DEF6: variants seen among roughly 807,000 people sequenced by gnomAD.
The protein encoded by DEF6 is DEF6 guanine nucleotide exchange factor.
Under a neutral mutation model 80.5 loss-of-function variants are expected in DEF6, and 32 were observed. The ratio of observed to expected loss-of-function variants is 0.40; its 90% CI spans 0.30 to 0.53. The LOEUF is 0.53. DEF6 is among the 20% of genes least tolerant of loss of function. DEF6 has a pLI of 0.57. For synonymous variants in DEF6, 300 were observed against 337.9 expected (o/e 0.89, Z 1.23); for missense variants, 575 against 818.7 (o/e 0.70, Z 3.63).
rs532603711 is a variant in DEF6 at position 35,318,912 on chromosome 6, A to G, written c.1215+441A>G. Among the ~76,000 whole-genome samples, 35 of 152,280 alleles carry G rather than the reference A, an allele frequency of 2.3e-4. No individual in the cohort carries two copies. Among genetic ancestry groups the G allele is most frequent in the African/African-American group, 8.2e-4 (34 of 41,548 alleles). ...GCGGACTAGGTGTGCAGAGGCAATT[A>G]GATTTAGGATTTAAGAAACCTGGAT... On this transcript the variant is annotated intron_variant, in intron 7 of 10. Transcript: ENST00000316637. This position sits in a 1 kb window ranked among gnomAD's most constrained non-coding sequence, Gnocchi z 5.1.
At chr6:35,307,406 G>T (rs1201375922) in intron 1 of DEF6, among the ~76,000 whole-genome samples, 3 of 152,232 alleles carry the variant, frequency 2.0e-5, no homozygotes, top group Non-Finnish European at 4.4e-5. Flanking sequence ...CTCAAAAAAA[G>T]ATAAGGACAC....
At chr6:35,306,210 TAAA>T (rs1299242402) in intron 1 of DEF6, among the ~76,000 whole-genome samples, 3 of 148,984 alleles carry the variant, frequency 2.0e-5, no homozygotes, top group Admixed American at 6.7e-5. Flanking sequence ...AATTTTGAAG[TAAA>T]GAAGAATATA....
intron 1 of DEF6, among the ~76,000 whole-genome samples, chr6:35,305,963 G>A (rs2150385716): frequency 6.6e-6 from 1 of 152,030 alleles, no homozygotes; most frequent in East Asian, 2.0e-4. Flanking sequence ...CACAATCTCG[G>A]CTCACTGCAA....
chr6:35,319,742 C>G lies in DEF6; in HGVS notation c.1382+52C>G. 2 of 1,610,068 alleles carry G rather than the reference C, an allele frequency of 1.2e-6. No individual in the cohort carries two copies. Among genetic ancestry groups the G allele is most frequent in the South Asian group, 2.2e-5 (2 of 90,790 alleles). On this transcript the variant is annotated intron_variant, in intron 8 of 10. Transcript: ENST00000316637. This position sits in a 1 kb window ranked among gnomAD's most constrained non-coding sequence, Gnocchi z 4.5. ...CTCTCACCACCCCTCCTGGAACACA[C>G]CCCAGTTTTCCTGCTTGCTGTGCAC...
chr6:35,320,163 T>C, intron 9 of DEF6, 146 bp downstream of exon 9: 1 of 726,234 alleles, frequency 1.4e-6, no homozygotes. Context: ...CTTCTTGGAG[T>C]TAGTCTCTCA....
chr6:35,310,004 A>C (rs1582230531), intron 2 of DEF6, among the ~76,000 whole-genome samples, 194 bp downstream of exon 2: 3 of 126,450 alleles, frequency 2.4e-5, no homozygotes, highest in African/African-American at 9.1e-5. Flanking sequence ...CCCTCAATTC[A>C]CCTTCAATGT....
intron 1 of DEF6, among the ~76,000 whole-genome samples, chr6:35,298,378 A>C (rs1390644019): frequency 1.3e-5 from 2 of 151,960 alleles, no homozygotes; most frequent in Admixed American, 1.3e-4. Flanking sequence ...CTTGGCAGTC[A>C]TTTCCTCTGG....
At chr6:35,305,146 A>T (rs1394335709) in intron 1 of DEF6, among the ~76,000 whole-genome samples, 2 of 134,736 alleles carry the variant, frequency 1.5e-5, no homozygotes, top group East Asian at 2.3e-4. Context: ...AAAAAAAAGA[A>T]TTTTTTTTTT....
intron 5 of DEF6, among the ~76,000 whole-genome samples, chr6:35,314,161 A>T (rs556051406): frequency 6.6e-6 from 1 of 152,128 alleles, no homozygotes; most frequent in Non-Finnish European, 1.5e-5. Flanking sequence ...TAATCCCAGC[A>T]CTTTGGGAGG....
In DEF6 at chr6:35,319,769, T is replaced by C. The variant is rs1191079337; in HGVS notation, c.1383-50T>C. ...CCAGTTTTCCTGCTTGCTGTGCACCTGCAAGGTGCCTTGGCACTAGAGGCT... is the reference window on the plus strand; with the variant it reads ...CCAGTTTTCCTGCTTGCTGTGCACCCGCAAGGTGCCTTGGCACTAGAGGCT... On this transcript the variant is annotated intron_variant, in intron 8 of 10. Coordinates refer to ENST00000316637, the MANE Select transcript of DEF6 (RefSeq NM_022047.4). The surrounding 1 kb of genome is among the most constrained non-coding windows in gnomAD (Gnocchi z 4.5). The C allele has an allele frequency of 6.2e-7, 1 of 1,610,552 alleles. No homozygotes were observed. Among genetic ancestry groups the C allele is most frequent in the Non-Finnish European group, 8.5e-7 (1 of 1,177,858 alleles).
intron 1 of DEF6, among the ~76,000 whole-genome samples, chr6:35,303,930 G>A (rs1314292059): frequency 1.3e-5 from 2 of 152,124 alleles, no homozygotes; most frequent in South Asian, 2.1e-4. Flanking sequence ...TCAGGGGTTC[G>A]AGACCAGCCT....
intron 1 of DEF6, among the ~76,000 whole-genome samples, chr6:35,300,537 G>A (rs974789357): frequency 3.9e-5 from 6 of 152,222 alleles, no homozygotes; most frequent in African/African-American, 1.4e-4. Flanking sequence ...AAAAGCCCAA[G>A]GAGTAGGGTT....
intron 9 of DEF6, among the ~76,000 whole-genome samples, 183 bp downstream of exon 9, chr6:35,320,200 A>G (rs897711311): frequency 2.0e-5 from 3 of 152,252 alleles, no homozygotes; most frequent in African/African-American, 7.2e-5. Flanking sequence ...TAGCGTTGTT[A>G]TGAAGATTAA....
Position 35,318,434 on chromosome 6 carries a change from A to C in DEF6, c.1178A>C (p.Gln393Pro). ...CGCCGCAGCCAGCACCGCGAGCTGC[A>C]GCAGGCGCTCGAGGGCCAACTGCGC... ...ERRRSQHREL[Q>P]QALEGQLREA... The change falls in exon 7 of 11, where the codon CAG (glutamine) becomes CCG (proline). Residue 393 changes from glutamine to proline, a missense_variant. By Grantham distance (76) the Gln-to-Pro change is moderately conservative. Transcript: ENST00000316637. This position sits in a 1 kb window ranked among gnomAD's most constrained non-coding sequence, Gnocchi z 5.1. 1 of 1,496,274 alleles carries C rather than the reference A, an allele frequency of 6.7e-7. No homozygotes were observed. The highest frequency in any genetic ancestry group is 1.3e-5 in the South Asian group (1 of 79,726). The allele number at this position is 1,496,274 out of a possible 1,614,324, so 92.7% of individuals were successfully genotyped here.
Position 35,312,440 on chromosome 6 carries a change from T to C in DEF6, c.562T>C (p.Phe188Leu), listed in dbSNP as rs1471464499. The C allele has an allele frequency of 1.2e-6, 2 of 1,614,160 alleles. No individual in the cohort carries two copies. ...CAGCGTCTGGCAGTTCCTGGAGCTC[T>C]TCAATTCGGGCCGCTGCCTGCGGGG... is the stretch of plus-strand genomic sequence containing the variant. ...GLSVWQFLEL[F>L]NSGRCLRGVG... The change falls in exon 4 of 11, where the codon TTC becomes CTC. Residue 188 changes from phenylalanine (F) to leucine (L), a missense_variant. Physicochemically the swap from Phe to Leu is conservative, Grantham distance 22 (BLOSUM62 0). Transcript: ENST00000316637. The surrounding 1 kb of genome is among the most constrained non-coding windows in gnomAD (Gnocchi z 6.6).
chr6:35,320,947 C>G lies in DEF6; in HGVS notation c.1645C>G (p.Arg549Gly). 1 of 1,612,706 alleles carries G rather than the reference C, an allele frequency of 6.2e-7. No individual in the cohort carries two copies. The change falls in exon 10 of 11, where the codon CGG becomes GGG. Residue 549 changes from arginine (R) to glycine (G), a missense_variant. Transcript: ENST00000316637. ...NVKHWNVQMN[R>G]LMHPIEPGDK... ...GAAACACTGGAATGTCCAGATGAAC[C>G]GGCTGATGCATCCAATTGAGCCTGG...
At chr6:35,316,941 G>T (rs1582233637) in intron 5 of DEF6, among the ~76,000 whole-genome samples, 1 of 152,116 alleles carries the variant, frequency 6.6e-6, no homozygotes, top group Non-Finnish European at 1.5e-5. Flanking sequence ...GCCTTTTCTA[G>T]GTATCTTACA....
intron 1 of DEF6, among the ~76,000 whole-genome samples, chr6:35,303,776 C>T (rs1337806676): frequency 2.0e-5 from 3 of 151,990 alleles, no homozygotes; most frequent in Non-Finnish European, 4.4e-5. Flanking sequence ...GCGGGTGGAT[C>T]GCTTCAGCCC....
intron 10 of DEF6, 93 bp from the exon 11 acceptor site, chr6:35,321,094 G>A: frequency 6.4e-7 from 1 of 1,556,654 alleles, no homozygotes. Flanking sequence ...TGGCAGTCAG[G>A]AGGCTCCCCT....
Sources: allele counts gnomAD v4.1 joint callset (sites outside exome capture counted in the v4.1 genomes callset), GRCh38; gene constraint gnomAD v4.1.1; non-coding constraint Gnocchi (gnomAD v3.1); transcripts MANE v1.5; gene names NCBI Gene and HGNC (gene_info 2026-07-23, HGNC 2026-07-21).